RPS6KA3: variants seen among roughly 807,000 people sequenced by gnomAD.
The protein encoded by RPS6KA3 is ribosomal protein S6 kinase A3.
A neutral mutation model predicts 67.2 loss-of-function variants in RPS6KA3; 4 were observed. That is an observed-to-expected ratio of 0.06 (90% CI 0.03 to 0.14). The LOEUF (loss-of-function observed/expected upper bound fraction) is 0.14. Ranked by LOEUF, RPS6KA3 falls within the 10% of genes least tolerant of loss-of-function variation. The pLI, the probability that RPS6KA3 is intolerant of heterozygous loss-of-function variation, is 1.00. For synonymous variants in RPS6KA3, 182 were observed against 183.7 expected, an observed-to-expected ratio of 0.99 and a Z score of 0.07; for missense variants, 204 against 559.0, an observed-to-expected ratio of 0.36 and a Z score of 6.40.
chrX:20,204,098 G>T lies in RPS6KA3; in HGVS notation c.249C>A (p.Phe83Leu). 1 of 1,179,501 alleles carries T rather than the reference G, an allele frequency of 8.5e-7. No individual in the cohort carries two copies. The highest frequency in any genetic ancestry group is 1.2e-6 in the Non-Finnish European group (1 of 866,405). The change falls in exon 4 of 22, where the codon TTC (phenylalanine) becomes TTA (leucine). Residue 83 changes from phenylalanine to leucine, a missense_variant. Phe to Leu is a conservative substitution (Grantham distance 22). Coordinates refer to ENST00000379565, the MANE Select transcript of RPS6KA3 (RefSeq NM_004586.3). ...CAGAGCCTGAGATTTTTTTAACTAA[G>T]AAAACCTGCATTTAAGTAAGAGAAA... ...VLGQGSFGKVFLVKKISGSDA... is the reference protein window; with the variant it reads ...VLGQGSFGKVLLVKKISGSDA...
At chrX:20,173,610 T>C (rs1431006974) in intron 14 of RPS6KA3, among the ~76,000 whole-genome samples, 3 of 112,272 alleles carry the variant, frequency 2.7e-5, no homozygotes, top group Non-Finnish European at 3.8e-5. Context: ...ATGAGCTTTG[T>C]ATATGTTAAA....
chrX:20,150,657 T>C lies in RPS6KA3; in HGVS notation c.*4741A>G, dbSNP rs952129040. On this transcript the variant is annotated 3_prime_UTR_variant, in exon 22 of 22. Coordinates refer to ENST00000379565, the MANE Select transcript of RPS6KA3 (RefSeq NM_004586.3). ...TCATTATACAGTTCATTCAGTACTA[T>C]GGTGATAACAGGAGTAAAGATGTTC... is the stretch of plus-strand genomic sequence containing the variant. 8.9e-6 allele frequency: 1 copy of C among 112,721 alleles called. No individual in the cohort carries two copies. Among genetic ancestry groups the C allele is most frequent in the Non-Finnish European group, 1.9e-5 (1 of 53,250 alleles). 9.3% of individuals were successfully genotyped at this position (112,721 alleles called of 1,213,427 possible). A position where few individuals can be genotyped will look rare whatever the true frequency, so the allele number is the denominator to read the frequency against.
intron 10 of RPS6KA3, among the ~76,000 whole-genome samples, chrX:20,178,485 T>C (rs1213912283): frequency 9.5e-6 from 1 of 105,441 alleles, no homozygotes; most frequent in Non-Finnish European, 1.9e-5. Context: ...AAATCAGTTT[T>C]TTTTTTTTTT....
At chrX:20,255,970 C>T (rs755680529) in intron 1 of RPS6KA3, among the ~76,000 whole-genome samples, 7 of 103,392 alleles carry the variant, frequency 6.8e-5, no homozygotes, top group East Asian at 6.0e-4. Flanking sequence ...ATTAGCCAGG[C>T]GTGGTGGTGG....
At chrX:20,157,736 G>T (rs2067220583) in intron 20 of RPS6KA3, among the ~76,000 whole-genome samples, 1 of 110,786 alleles carries the variant, frequency 9.0e-6, no homozygotes, top group African/African-American at 3.3e-5. Context: ...CTAGATTAGA[G>T]AAAGGAAGGG....
chrX:20,211,774 AAAC>A (rs111559307), intron 2 of RPS6KA3, among the ~76,000 whole-genome samples: 6 of 111,638 alleles, frequency 5.4e-5, no homozygotes, highest in South Asian at 3.7e-4. Context: ...AACCAAACCA[AAAC>A]AACAACAACA....
chrX:20,175,047 C>A, intron 14 of RPS6KA3, 117 bp downstream of exon 14: 1 of 757,200 alleles, frequency 1.3e-6, no homozygotes, highest in Non-Finnish European at 2.0e-6. Context: ...AGCCACTATG[C>A]CCAGTCTAAA....
rs1455044130 is a variant in RPS6KA3 at position 20,180,428 on chromosome X, T to G, written c.846-3344A>C. Among the ~76,000 whole-genome samples the G allele has an allele frequency of 2.7e-5, 3 of 112,350 alleles. No homozygotes were observed. In the Admixed American group the frequency reaches 2.8e-4, roughly 11 times the overall value. ...AATTTCCATACTCCTAGGAAAAGAC[T>G]AATTGTTATGTAACCATGGTAACAA... On this transcript the variant is annotated intron_variant, in intron 10 of 21. Transcript: ENST00000379565.
intron 1 of RPS6KA3, among the ~76,000 whole-genome samples, chrX:20,239,617 C>CT (rs2069500067): frequency 9.0e-6 from 1 of 111,692 alleles, no homozygotes; most frequent in South Asian, 3.6e-4. Flanking sequence ...GCTAATCATG[C>CT]TTTACTTTGT....
At chrX:20,233,108 C>A (rs1428914246) in intron 2 of RPS6KA3, among the ~76,000 whole-genome samples, 2 of 111,387 alleles carry the variant, frequency 1.8e-5, no homozygotes, top group African/African-American at 3.3e-5. Context: ...TGCACTCCAG[C>A]CTGAGCAGCA....
intron 3 of RPS6KA3, among the ~76,000 whole-genome samples, chrX:20,207,143 C>A (rs915916596): frequency 8.9e-6 from 1 of 111,834 alleles, no homozygotes; most frequent in African/African-American, 3.3e-5. Context: ...TTAGGAGACT[C>A]CTTCAATAGA....
chrX:20,262,787 T>G (rs1490175265), intron 1 of RPS6KA3, among the ~76,000 whole-genome samples: 1 of 111,683 alleles, frequency 9.0e-6, no homozygotes, highest in African/African-American at 3.2e-5. Context: ...TAAAACATTT[T>G]TTTTCAAAAT....
Position 20,172,824 on chromosome X carries a change from T to C in RPS6KA3, c.1275A>G (p.Lys425=), listed in dbSNP as rs765852320. The change falls in exon 15 of 22, where the codon AAA becomes AAG. Residue 425 remains lysine (K), a synonymous_variant. Transcript: ENST00000379565. The stretch of plus-strand genomic sequence containing the variant: ...AGTAGGAGCCAACTCCAATATCTTC[T>C]TTTACTTCATATCCATCAGTAAACT... ...SIQFTDGYEV[K]EDIGVGSYSV... is the part of the protein sequence containing the mutation. The C allele has an allele frequency of 5.9e-6, 7 of 1,195,720 alleles. No individual in the cohort carries two copies. The highest frequency in any genetic ancestry group is 1.8e-5 in the African/African-American group (1 of 57,141).
chrX:20,167,467 G>C (rs2067469792), intron 17 of RPS6KA3, 122 bp downstream of exon 17: 1 of 652,077 alleles, frequency 1.5e-6, no homozygotes, highest in Non-Finnish European at 2.5e-6. Flanking sequence ...AGGTCAGTAG[G>C]ATAATTCAGC....
intron 11 of RPS6KA3, 77 bp from the exon 12 acceptor site, chrX:20,176,575 T>C (rs1033097856): frequency 1.6e-6 from 1 of 607,828 alleles, no homozygotes; most frequent in African/African-American, 2.3e-5. Context: ...TTTCAATACT[T>C]GTCTAATTAA....
At chrX:20,204,215 C>T in intron 3 of RPS6KA3, 112 bp from the exon 4 acceptor site, 2 of 496,590 alleles carry the variant, frequency 4.0e-6, no homozygotes, top group Non-Finnish European at 7.0e-6. Flanking sequence ...TTCAGATATA[C>T]TGTAGATTAT....
At chrX:20,233,068 G>A (rs934148780) in intron 2 of RPS6KA3, among the ~76,000 whole-genome samples, 6 of 111,077 alleles carry the variant, frequency 5.4e-5, no homozygotes, top group East Asian at 2.8e-4. Flanking sequence ...CCTGGGAGTC[G>A]GAAGTTGCAG....
At chrX:20,193,995 TG>T (rs1234544407) in intron 6 of RPS6KA3, among the ~76,000 whole-genome samples, 193 bp downstream of exon 6, 3 of 112,596 alleles carry the variant, frequency 2.7e-5, no homozygotes, top group Non-Finnish European at 5.6e-5. Context: ...AGACAAAGAC[TG>T]TTTATTTGTC....
intron 11 of RPS6KA3, 60 bp from the exon 12 acceptor site, chrX:20,176,558 C>T (rs1004239689): frequency 2.7e-6 from 2 of 734,904 alleles, no homozygotes; most frequent in Admixed American, 4.9e-5. Flanking sequence ...TATTGCTCAG[C>T]CTTTGTTTTC....
Sources: allele counts gnomAD v4.1 joint callset (sites outside exome capture counted in the v4.1 genomes callset), GRCh38; gene constraint gnomAD v4.1.1; transcripts MANE v1.5; gene names NCBI Gene and HGNC (gene_info 2026-07-23, HGNC 2026-07-21).